SH3KBP1: variants seen among roughly 807,000 people sequenced by gnomAD.
SH3KBP1 encodes the protein SH3 domain-containing kinase-binding protein 1.
A neutral mutation model predicts 50.1 loss-of-function variants in SH3KBP1; 8 were observed. That is an observed-to-expected ratio of 0.16 (90% CI 0.09 to 0.29). The LOEUF (loss-of-function observed/expected upper bound fraction) is 0.29. SH3KBP1 is among the 10% of genes least tolerant of loss of function. SH3KBP1 has a pLI of 1.00. For missense variants in SH3KBP1, 377 were observed against 535.2 expected, an observed-to-expected ratio of 0.70 and a Z score of 2.92; for synonymous variants, 227 against 218.6, an observed-to-expected ratio of 1.04 and a Z score of -0.34.
intron 2 of SH3KBP1, among the ~76,000 whole-genome samples, chrX:19,760,397 A>ATAC (rs760327790): frequency 5.2e-5 from 5 of 96,639 alleles, no homozygotes; most frequent in Non-Finnish European, 8.1e-5. Context: ...AAAATAAATA[A>ATAC]ATACATACAT....
At chrX:19,843,905 G>A (rs1032704999) in intron 1 of SH3KBP1, among the ~76,000 whole-genome samples, 30 of 111,423 alleles carry the variant, frequency 2.7e-4, no homozygotes, top group Non-Finnish European at 5.5e-4. Context: ...TGCTTTCCAC[G>A]AAGGCCCAAG....
At chrX:19,670,027 A>G (rs773569920) in intron 6 of SH3KBP1, among the ~76,000 whole-genome samples, 2 of 110,705 alleles carry the variant, frequency 1.8e-5, no homozygotes, top group South Asian at 7.7e-4. Context: ...TATGGAAGAC[A>G]TATGACACAC....
chrX:19,760,022 T>TCCTCTCTCTCTCTCTCTC (rs1190903565), intron 2 of SH3KBP1, among the ~76,000 whole-genome samples: 7 of 83,782 alleles, frequency 8.4e-5, no homozygotes, highest in Non-Finnish European at 1.1e-4. Flanking sequence ...TCTCTCTCTC[T>TCCTCTCTCTCTCTCTCTC]CCTCTCTCTC....
intron 3 of SH3KBP1, among the ~76,000 whole-genome samples, chrX:19,738,694 C>CAAA (rs1193680181): frequency 9.9e-3 from 358 of 36,314 alleles, no homozygotes; most frequent in East Asian, 0.017. Context: ...GTCAGCAATG[C>CAAA]AAAAAAAAAA....
intron 8 of SH3KBP1, among the ~76,000 whole-genome samples, chrX:19,614,665 G>A (rs1055612638): frequency 1.8e-5 from 2 of 111,604 alleles, no homozygotes; most frequent in Non-Finnish European, 3.8e-5. Context: ...TAAGAGGAAC[G>A]CTTCTCAAGC....
At chrX:19,790,700 C>A (rs1428513984) in intron 2 of SH3KBP1, among the ~76,000 whole-genome samples, 1 of 110,288 alleles carries the variant, frequency 9.1e-6, no homozygotes, top group African/African-American at 3.3e-5. Flanking sequence ...TCAGAAAAGA[C>A]GTCATGGAAG....
chrX:19,562,039 A>C (rs900541821), intron 13 of SH3KBP1, among the ~76,000 whole-genome samples: 1 of 110,900 alleles, frequency 9.0e-6, no homozygotes, highest in Admixed American at 9.6e-5. Flanking sequence ...TCACTCTCCA[A>C]CTGCTAATCA....
chrX:19,554,488 G>C (rs905018271), intron 13 of SH3KBP1, among the ~76,000 whole-genome samples: 1 of 105,658 alleles, frequency 9.5e-6, no homozygotes, highest in Non-Finnish European at 1.9e-5. Context: ...TGCAACCTCT[G>C]CCTCCCGGGT....
intron 8 of SH3KBP1, among the ~76,000 whole-genome samples, chrX:19,608,524 G>C (rs1350435941): frequency 9.0e-6 from 1 of 110,529 alleles, no homozygotes; most frequent in East Asian, 2.8e-4. Flanking sequence ...GGCCGGACTG[G>C]TCTCAAACTC....
intron 6 of SH3KBP1, among the ~76,000 whole-genome samples, chrX:19,655,196 T>C (rs2062241499): frequency 8.9e-6 from 1 of 112,188 alleles, no homozygotes. Context: ...TTTATACCTC[T>C]AAAATGAAGG....
intron 13 of SH3KBP1, among the ~76,000 whole-genome samples, chrX:19,568,630 C>G (rs1055637673): frequency 9.0e-6 from 1 of 111,694 alleles, no homozygotes; most frequent in African/African-American, 3.3e-5. Flanking sequence ...TCCCATTTAT[C>G]ACATGGTGGT....
Position 19,535,351 on chromosome X carries a change from A to G in SH3KBP1, c.*1066T>C, listed in dbSNP as rs1227754615. 1 of 165,875 alleles carries G rather than the reference A, an allele frequency of 6.0e-6. No homozygotes were observed. Among genetic ancestry groups the G allele is most frequent in the African/African-American group, 3.0e-5 (1 of 33,257 alleles). The allele number at this position is 165,875 out of a possible 1,213,427, so 13.7% of individuals were successfully genotyped here. ...ATGACATTATGTGAATACAGTTTAAACGATAACACACACGGGTAACCCAGT... is the reference window on the plus strand; with the variant it reads ...ATGACATTATGTGAATACAGTTTAAGCGATAACACACACGGGTAACCCAGT... On this transcript the variant is annotated 3_prime_UTR_variant, in exon 18 of 18. Coordinates refer to ENST00000397821, the MANE Select transcript of SH3KBP1 (RefSeq NM_031892.3).
chrX:19,702,709 T>C (rs1340270990), intron 4 of SH3KBP1, among the ~76,000 whole-genome samples: 1 of 110,935 alleles, frequency 9.0e-6, no homozygotes, highest in Admixed American at 9.5e-5. Context: ...AAACACATCA[T>C]AAGCCAAAAA....
At chrX:19,580,637 G>A (rs1481334202) in intron 12 of SH3KBP1, among the ~76,000 whole-genome samples, 7 of 111,599 alleles carry the variant, frequency 6.3e-5, no homozygotes, top group African/African-American at 2.3e-4. Flanking sequence ...AGAAACCTGG[G>A]GTGCCAGCAA....
intron 3 of SH3KBP1, among the ~76,000 whole-genome samples, chrX:19,735,730 G>A (rs1267752577): frequency 2.7e-5 from 2 of 73,067 alleles, no homozygotes; most frequent in Non-Finnish European, 5.3e-5. Flanking sequence ...TTGGCGGGGG[G>A]GGGGGGTGGG....
intron 3 of SH3KBP1, among the ~76,000 whole-genome samples, chrX:19,729,189 A>G (rs2064306225): frequency 8.8e-6 from 1 of 113,047 alleles, no homozygotes; most frequent in African/African-American, 3.2e-5. Context: ...GCCTCTGGCC[A>G]CAGAATCTTA....
chrX:19,605,998 G>C (rs5955824), intron 9 of SH3KBP1, among the ~76,000 whole-genome samples: 10,390 of 111,552 alleles, frequency 0.093, 1,094 homozygotes, highest in African/African-American at 0.31. Flanking sequence ...TTGATTTGAT[G>C]AGCTGGAGCA....
intron 1 of SH3KBP1, among the ~76,000 whole-genome samples, chrX:19,876,308 C>T (rs1355419893): frequency 8.9e-6 from 1 of 111,824 alleles, no homozygotes; most frequent in Non-Finnish European, 1.9e-5. Flanking sequence ...TTGCAGTGAG[C>T]GGAGATCACA....
chrX:19,657,831 T>C (rs769434669), intron 6 of SH3KBP1, among the ~76,000 whole-genome samples: 2 of 106,956 alleles, frequency 1.9e-5, no homozygotes, highest in African/African-American at 6.9e-5. Context: ...AAAAGACAAA[T>C]ACTGTATGAT....
Sources: gnomAD v4.1 joint callset for allele counts (sites outside exome capture counted in the v4.1 genomes callset) on GRCh38, gnomAD v4.1.1 for gene constraint, MANE v1.5 for transcripts, NCBI Gene and HGNC (gene_info 2026-07-23, HGNC 2026-07-21) for gene names.